The following SLC25A26 variants were observed in gnomAD, a reference collection of about 807,000 sequenced individuals.
SLC25A26 encodes the protein solute carrier family 25 member 26, also known as mitochondrial S-adenosylmethionine carrier protein.
SLC25A26 carries 36 observed loss-of-function variants against 37.8 expected under a neutral mutation model. The ratio of observed to expected loss-of-function variants is 0.95; its 90% CI spans 0.73 to 1.26. SLC25A26 has a LOEUF of 1.26. SLC25A26 is among the 50% of genes most tolerant of loss of function. The probability of loss-of-function intolerance (pLI) is 0.00; values close to 1 mark genes in which losing one functional copy is unlikely to be tolerated. For missense variants in SLC25A26, 390 were observed against 331.1 expected (o/e 1.18, Z -1.38); for synonymous variants, 129 against 122.5 (o/e 1.05, Z -0.35).
At chr3:66,292,901 C>G (rs2074763918) in intron 5 of SLC25A26, among the ~76,000 whole-genome samples, 1 of 152,158 alleles carries the variant, frequency 6.6e-6, no homozygotes, top group Non-Finnish European at 1.5e-5. Flanking sequence ...GTTCCATTCT[C>G]CCCGTCACTT....
chr3:66,172,010 A>G (rs1327460280), intron 1 of SLC25A26, among the ~76,000 whole-genome samples: 3 of 152,286 alleles, frequency 2.0e-5, no homozygotes, highest in African/African-American at 4.8e-5. Flanking sequence ...ACACAGTCTT[A>G]TTCCATCAAC....
chr3:66,204,759 A>G (rs1286228422), intron 1 of SLC25A26, among the ~76,000 whole-genome samples: 1 of 152,216 alleles, frequency 6.6e-6, no homozygotes, highest in Non-Finnish European at 1.5e-5. Context: ...TACCGAGTAC[A>G]ATATCATTTC....
intron 5 of SLC25A26, among the ~76,000 whole-genome samples, chr3:66,322,711 A>G (rs561779236): frequency 6.6e-6 from 1 of 152,212 alleles, no homozygotes; most frequent in African/African-American, 2.4e-5. Flanking sequence ...TACATATGCC[A>G]TGGCTTCAAC....
At chr3:66,264,456 C>T (rs893971463) in intron 5 of SLC25A26, among the ~76,000 whole-genome samples, 1 of 152,178 alleles carries the variant, frequency 6.6e-6, no homozygotes, top group African/African-American at 2.4e-5. Flanking sequence ...GGAACTGAGC[C>T]ACACAGCAGG....
chr3:66,244,293 G>T (rs77770909), intron 3 of SLC25A26, among the ~76,000 whole-genome samples: 1 of 152,142 alleles, frequency 6.6e-6, no homozygotes, highest in Non-Finnish European at 1.5e-5. Context: ...TAACAAGCCC[G>T]AACCTGCACT....
intron 6 of SLC25A26, among the ~76,000 whole-genome samples, chr3:66,349,891 T>C (rs1255154695): frequency 6.6e-6 from 1 of 152,208 alleles, no homozygotes; most frequent in Non-Finnish European, 1.5e-5. Flanking sequence ...AAATTTTTTT[T>C]CCAGCCATTC....
chr3:66,147,123 C>T, intron 1 of SLC25A26, among the ~76,000 whole-genome samples: 1 of 93,568 alleles, frequency 1.1e-5, no homozygotes, highest in Non-Finnish European at 2.2e-5. Context: ...CCTCCCCTCC[C>T]CTCCCTTCCC....
chr3:66,211,816 T>G (rs1336279951), intron 1 of SLC25A26, among the ~76,000 whole-genome samples: 2 of 152,200 alleles, frequency 1.3e-5, no homozygotes, highest in Non-Finnish European at 2.9e-5. Context: ...TTGTAAAATA[T>G]AACATAAAAA....
chr3:66,190,096 G>C (rs2070908495), intron 1 of SLC25A26, among the ~76,000 whole-genome samples: 1 of 152,174 alleles, frequency 6.6e-6, no homozygotes, highest in Admixed American at 6.5e-5. Context: ...TGGATTGCTT[G>C]AGTCCAGAAG....
chr3:66,225,313 C>T (rs2071692002), intron 1 of SLC25A26, among the ~76,000 whole-genome samples: 1 of 152,218 alleles, frequency 6.6e-6, no homozygotes, highest in African/African-American at 2.4e-5. Flanking sequence ...TTGTCTTCTG[C>T]ACACCCACAG....
At chr3:66,239,443 C>A (rs140318608) in intron 2 of SLC25A26, among the ~76,000 whole-genome samples, 5 of 152,294 alleles carry the variant, frequency 3.3e-5, no homozygotes, top group Middle Eastern at 3.4e-3. Flanking sequence ...GGCAGATGTC[C>A]TTTCTGCTCA....
chr3:66,354,266 T>G (rs1486953225), intron 6 of SLC25A26, among the ~76,000 whole-genome samples: 1 of 151,996 alleles, frequency 6.6e-6, no homozygotes, highest in East Asian at 1.9e-4. Context: ...AGCTACAGGG[T>G]GTTACAAAGC....
intron 5 of SLC25A26, among the ~76,000 whole-genome samples, chr3:66,281,270 TTTGA>T (rs1388737190): frequency 2.0e-5 from 3 of 152,138 alleles, no homozygotes; most frequent in Non-Finnish European, 2.9e-5. Context: ...AGTTTAATGG[TTTGA>T]TTAAGTTGTT....
chr3:66,186,446 A>G (rs1360048543), intron 1 of SLC25A26, among the ~76,000 whole-genome samples: 2 of 151,680 alleles, frequency 1.3e-5, no homozygotes, highest in African/African-American at 4.8e-5. Context: ...CTTGACCTTT[A>G]TCTTATNCCT....
At chr3:66,183,619 A>G (rs1301207176) in intron 1 of SLC25A26, among the ~76,000 whole-genome samples, 1 of 151,850 alleles carries the variant, frequency 6.6e-6, no homozygotes, top group East Asian at 1.9e-4. Context: ...TCACCATGAC[A>G]TTCACAATTA....
chr3:66,208,180 T>C (rs1010548779), intron 1 of SLC25A26, among the ~76,000 whole-genome samples: 2 of 152,176 alleles, frequency 1.3e-5, no homozygotes, highest in South Asian at 4.1e-4. Context: ...AGATTTTTTT[T>C]AAATCTTCCT....
chr3:66,325,618 G>A (rs2075817743), intron 5 of SLC25A26, among the ~76,000 whole-genome samples: 1 of 152,148 alleles, frequency 6.6e-6, no homozygotes, highest in Non-Finnish European at 1.5e-5. Context: ...TGAATAGTAA[G>A]TAACTAGGTG....
rs1441125414 is a variant in SLC25A26 at position 66,241,044 on chromosome 3, G to A, written c.191-2159G>A. 2.0e-5 allele frequency among the ~76,000 whole-genome samples: 3 copies of A among 152,114 alleles called. No individual in the cohort carries two copies. The East Asian group carries it at 5.8e-4, about 29-fold the overall frequency. ...ATACAGGCGTGAGCCACCGTACCTG[G>A]CCACCTTTTCTTAATTTTTTGGTAT... On this transcript the variant is annotated intron_variant, in intron 2 of 9. Transcript: ENST00000354883.
chr3:66,141,637 C>T (rs926161459), intron 1 of SLC25A26, among the ~76,000 whole-genome samples: 3 of 151,992 alleles, frequency 2.0e-5, no homozygotes, highest in African/African-American at 4.8e-5. Context: ...GTCAGCCACC[C>T]GAGTAGCTGG....
Sources: allele counts gnomAD v4.1 joint callset (sites outside exome capture counted in the v4.1 genomes callset), GRCh38; gene constraint gnomAD v4.1.1; transcripts MANE v1.5; gene names NCBI Gene and HGNC (gene_info 2026-07-23, HGNC 2026-07-21).